The following MTMR2 variants were observed in gnomAD, a reference collection of about 807,000 sequenced individuals.
MTMR2 encodes phosphatidylinositol-3,5-bisphosphate 3-phosphatase MTMR2.
In MTMR2, 55 loss-of-function variants were observed where a neutral mutation model predicts 86.9. That is an observed-to-expected ratio of 0.63 (90% CI 0.51 to 0.79). The LOEUF is 0.79. Among genes scored for constraint, MTMR2 ranks in the 30% least tolerant of loss-of-function variants. MTMR2 has a pLI of 0.00. For missense variants in MTMR2, 659 were observed against 772.3 expected, an observed-to-expected ratio of 0.85 and a Z score of 1.74; for synonymous variants, 241 against 266.8, an observed-to-expected ratio of 0.90 and a Z score of 0.94.
At chr11:95,899,636 T>TTA in intron 1 of MTMR2, among the ~76,000 whole-genome samples, 1 of 147,524 alleles carries the variant, frequency 6.8e-6, no homozygotes, top group African/African-American at 2.5e-5. Context: ...TAAGAATGGT[T>TTA]AAAAAAAAAA....
At chr11:95,888,110 A>G (rs1865576737) in intron 2 of MTMR2, 46 bp downstream of exon 2, 3 of 1,387,348 alleles carry the variant, frequency 2.2e-6, no homozygotes, top group Non-Finnish European at 3.1e-6. Flanking sequence ...GGCCACAAAT[A>G]TTTAACAGAA....
chr11:95,887,621 T>C (rs1319930924), intron 2 of MTMR2: 2 of 171,156 alleles, frequency 1.2e-5, no homozygotes, highest in African/African-American at 4.8e-5. Context: ...CAAACTATAA[T>C]GAGATGTGTA....
chr11:95,875,634 T>C (rs1376660110), intron 2 of MTMR2, among the ~76,000 whole-genome samples: 1 of 152,262 alleles, frequency 6.6e-6, no homozygotes, highest in East Asian at 1.9e-4. Flanking sequence ...GTTCCGTTGT[T>C]GGTGAGGAGC....
intron 2 of MTMR2, among the ~76,000 whole-genome samples, chr11:95,878,373 C>T (rs1865200904): frequency 6.6e-6 from 1 of 151,572 alleles, no homozygotes; most frequent in Non-Finnish European, 1.5e-5. Flanking sequence ...TGAATATATG[C>T]CACCATACCT....
chr11:95,922,230 G>T (rs760924318), intron 1 of MTMR2, among the ~76,000 whole-genome samples: 4 of 152,326 alleles, frequency 2.6e-5, no homozygotes, highest in African/African-American at 9.6e-5. Context: ...AGAGACTTCA[G>T]CATGGGAGCT....
At chr11:95,850,859 T>G in intron 7 of MTMR2, 110 bp from the exon 8 acceptor site, 10 of 1,024,840 alleles carry the variant, frequency 9.8e-6, no homozygotes, top group Non-Finnish European at 1.5e-5. Context: ...ATCCATCTCC[T>G]AAAGTGTTGG....
chr11:95,852,780 G>A (rs1480288011), intron 7 of MTMR2, among the ~76,000 whole-genome samples: 1 of 152,130 alleles, frequency 6.6e-6, no homozygotes, highest in Non-Finnish European at 1.5e-5. Context: ...GCTCACGCCT[G>A]TAATCCCAGC....
chr11:95,842,019 A>G (rs984758277), intron 11 of MTMR2, among the ~76,000 whole-genome samples: 5 of 152,184 alleles, frequency 3.3e-5, no homozygotes, highest in Admixed American at 2.0e-4. Flanking sequence ...CTTGCGCCCA[A>G]AAGTACAGGA....
intron 1 of MTMR2, among the ~76,000 whole-genome samples, chr11:95,896,003 T>C (rs1395044401): frequency 2.6e-5 from 4 of 152,084 alleles, no homozygotes; most frequent in Non-Finnish European, 5.9e-5. Flanking sequence ...CTCAAGTTGC[T>C]ACATAATCTA....
At chr11:95,900,051 T>C (rs989917439) in intron 1 of MTMR2, among the ~76,000 whole-genome samples, 4 of 152,092 alleles carry the variant, frequency 2.6e-5, no homozygotes, top group Non-Finnish European at 4.4e-5. Flanking sequence ...AATAAGTTAT[T>C]GTATTAGAGC....
chr11:95,903,772 C>G (rs1188529034), intron 1 of MTMR2, among the ~76,000 whole-genome samples: 3 of 152,160 alleles, frequency 2.0e-5, no homozygotes, highest in Non-Finnish European at 2.9e-5. Flanking sequence ...CACATATATT[C>G]TGCCTTGCTT....
chr11:95,880,284 T>A (rs1232854041), intron 2 of MTMR2, among the ~76,000 whole-genome samples: 1 of 152,102 alleles, frequency 6.6e-6, no homozygotes, highest in Non-Finnish European at 1.5e-5. Context: ...CATATATGTC[T>A]ATAATCAATA....
intron 2 of MTMR2, among the ~76,000 whole-genome samples, chr11:95,871,835 C>T (rs1034905671): frequency 6.6e-6 from 1 of 152,128 alleles, no homozygotes; most frequent in Non-Finnish European, 1.5e-5. Context: ...ATGGTATTGC[C>T]TAGGTTTTCT....
chr11:95,851,929 C>T (rs774392940), intron 7 of MTMR2, among the ~76,000 whole-genome samples: 27 of 152,156 alleles, frequency 1.8e-4, no homozygotes, highest in Non-Finnish European at 3.8e-4. Flanking sequence ...CCTTCAATAT[C>T]TGCTATTTTA....
intron 5 of MTMR2, among the ~76,000 whole-genome samples, 193 bp downstream of exon 5, chr11:95,861,799 G>A (rs1313182005): frequency 6.6e-6 from 1 of 152,078 alleles, no homozygotes; most frequent in African/African-American, 2.4e-5. Context: ...GGGCCCAAAA[G>A]AATTAAGTCT....
In MTMR2 at chr11:95,844,923, A is replaced by T. The variant is rs755287656; in HGVS notation, c.1386+30T>A. 1.8e-5 allele frequency: 27 copies of T among 1,536,546 alleles called. 1 individual carries two copies. Among genetic ancestry groups the T allele is most frequent in the Middle Eastern group, 1.7e-4 (1 of 5,802 alleles). On this transcript the variant is annotated intron_variant, in intron 11 of 14. Transcript: ENST00000346299. ...ACATGCCTTGGCATGAATGCATGTGATATATCCAAAGTCAAGGTTCCTTAC... is the reference window on the plus strand; with the variant it reads ...ACATGCCTTGGCATGAATGCATGTGTTATATCCAAAGTCAAGGTTCCTTAC...
chr11:95,836,151 T>C lies in MTMR2; in HGVS notation c.1767A>G (p.Pro589=). The change falls in exon 14 of 15, where the codon CCA becomes CCG. Residue 589 remains proline (P), a synonymous_variant. Coordinates refer to ENST00000346299, the MANE Select transcript of MTMR2 (RefSeq NM_016156.6). ...TTGTATATTGTAAGGCACATACCTG[T>C]GGTTTCATCCGTGGATTCCACCTTA... ...YYIRWNPRMK[P]QEPIHNRYKE... 1 of 1,612,436 alleles carries C rather than the reference T, an allele frequency of 6.2e-7. No individual in the cohort carries two copies. Among genetic ancestry groups the C allele is most frequent in the South Asian group, 1.1e-5 (1 of 91,052 alleles).
At chr11:95,908,988 T>C (rs1252130045) in intron 1 of MTMR2, among the ~76,000 whole-genome samples, 1 of 152,196 alleles carries the variant, frequency 6.6e-6, no homozygotes, top group East Asian at 1.9e-4. Context: ...CTAATAGTCC[T>C]GCCACCATCT....
chr11:95,886,312 T>C (rs1865509644), intron 2 of MTMR2, among the ~76,000 whole-genome samples: 1 of 152,190 alleles, frequency 6.6e-6, no homozygotes, highest in Non-Finnish European at 1.5e-5. Context: ...GCAATTTTTC[T>C]AAGAATCTAA....
Sources: allele counts gnomAD v4.1 joint callset (sites outside exome capture counted in the v4.1 genomes callset), GRCh38; gene constraint gnomAD v4.1.1; transcripts MANE v1.5; gene names NCBI Gene and HGNC (gene_info 2026-07-23, HGNC 2026-07-21).